Variants in KLHL2 observed in about 807,000 individuals in gnomAD.
KLHL2 encodes kelch like family member 2, also known as kelch-like protein 2.
A neutral mutation model predicts 75.8 loss-of-function variants in KLHL2; 15 were observed. That is an observed-to-expected ratio of 0.20 (90% CI 0.13 to 0.30). KLHL2 has a LOEUF of 0.30. Among genes scored for constraint, KLHL2 ranks in the 10% least tolerant of loss-of-function variants. The pLI is 1.00. For synonymous variants in KLHL2, 214 were observed against 251.9 expected, an observed-to-expected ratio of 0.85 and a Z score of 1.42; for missense variants, 381 against 741.0, an observed-to-expected ratio of 0.51 and a Z score of 5.64.
chr4:165,239,228 A>C (rs1739606991), intron 4 of KLHL2, among the ~76,000 whole-genome samples: 1 of 150,532 alleles, frequency 6.6e-6, no homozygotes, highest in African/African-American at 2.4e-5. Flanking sequence ...TAGTCTACAA[A>C]GTATGTTTTT....
At chr4:165,276,462 T>TA (rs1457894558) in intron 5 of KLHL2, among the ~76,000 whole-genome samples, 7 of 152,008 alleles carry the variant, frequency 4.6e-5, no homozygotes, top group African/African-American at 1.7e-4. Flanking sequence ...GGAACCTAGG[T>TA]AGAAGGGTAC....
Position 165,293,917 on chromosome 4 carries a change from A to T in KLHL2, c.545-442A>T, listed in dbSNP as rs753194835. Among the ~76,000 whole-genome samples the T allele has an allele frequency of 2.2e-4, 33 of 152,122 alleles. No homozygotes were observed. In the East Asian group the frequency reaches 5.8e-3, roughly 27 times the overall value. On this transcript the variant is annotated intron_variant, in intron 5 of 14. Transcript: ENST00000226725. ...AAAGCAGGGCTTTTTTCCTTACTCC[A>T]TAAGGAACAACCCTCTAATGTTTCA...
At chr4:165,278,246 T>C (rs1225438369) in intron 5 of KLHL2, 5 of 1,126,248 alleles carry the variant, frequency 4.4e-6, no homozygotes, top group Non-Finnish European at 6.8e-6. Context: ...GTCGACTCCT[T>C]CTGCAGCCCC....
At chr4:165,251,042 C>T (rs1200703612) in intron 4 of KLHL2, among the ~76,000 whole-genome samples, 1 of 151,448 alleles carries the variant, frequency 6.6e-6, no homozygotes, top group Non-Finnish European at 1.5e-5. Flanking sequence ...TTTTCCATTT[C>T]TGTTTTCTTT....
At chr4:165,281,397 G>A (rs927357565) in intron 5 of KLHL2, among the ~76,000 whole-genome samples, 3 of 150,974 alleles carry the variant, frequency 2.0e-5, no homozygotes, top group African/African-American at 7.3e-5. Flanking sequence ...CTCACTGTGA[G>A]CACTGCCTCC....
intron 3 of KLHL2, 105 bp downstream of exon 3, chr4:165,229,018 G>T (rs571292633): frequency 2.7e-4 from 172 of 634,358 alleles, no homozygotes; most frequent in South Asian, 2.7e-3. Flanking sequence ...ATGAAATGAA[G>T]AATTATAGTG....
At chr4:165,229,356 T>C (rs1236702829) in intron 3 of KLHL2, among the ~76,000 whole-genome samples, 1 of 152,242 alleles carries the variant, frequency 6.6e-6, no homozygotes, top group Non-Finnish European at 1.5e-5. Flanking sequence ...ATGTTCTACT[T>C]TGGCAACTGT....
intron 4 of KLHL2, among the ~76,000 whole-genome samples, chr4:165,251,661 G>C (rs1382390483): frequency 6.8e-6 from 1 of 147,562 alleles, no homozygotes; most frequent in African/African-American, 2.5e-5. Flanking sequence ...CCAGGCTGGA[G>C]TGCAGTGGCG....
chr4:165,305,776 T>G, intron 9 of KLHL2, 51 bp downstream of exon 9: 1 of 1,224,076 alleles, frequency 8.2e-7, no homozygotes, highest in South Asian at 1.3e-5. Flanking sequence ...CATTGGGAGC[T>G]TCTTTTTCAG....
intron 14 of KLHL2, chr4:165,321,509 A>G (rs542888312): frequency 3.8e-5 from 12 of 316,118 alleles, no homozygotes; most frequent in South Asian, 3.0e-4. Flanking sequence ...ATATGTGTTA[A>G]TTGACTGTAT....
chr4:165,271,613 T>G (rs1438744066), intron 5 of KLHL2, among the ~76,000 whole-genome samples: 1 of 148,206 alleles, frequency 6.7e-6, no homozygotes, highest in Non-Finnish European at 1.5e-5. Flanking sequence ...TAGTTTGACT[T>G]TCTCTTTTCC....
Position 165,220,037 on chromosome 4 carries a change from A to T in KLHL2, c.130A>T (p.Lys44Ter). 1 of 1,609,344 alleles carries T rather than the reference A, an allele frequency of 6.2e-7. No homozygotes were observed. ...TCCTTGGCATATGAAGAAAGCTTTC[A>T]AAGTCATGAACGAATTAAGAAGGTA... ...VNPWHMKKAF[K>*]VMNELRSQNL... Residue 44 changes from lysine to a stop codon, truncating the protein, a stop_gained, in exon 2 of 15, where the codon AAA becomes TAA. Transcript: ENST00000226725. LOFTEE classifies it high-confidence loss of function.
chr4:165,321,501 A>G (rs1579202851), intron 14 of KLHL2: 2 of 319,070 alleles, frequency 6.3e-6, no homozygotes, highest in Admixed American at 9.0e-5. Context: ...CATGTAAAAT[A>G]TGTGTTAATT....
chr4:165,282,784 T>G (rs1194623121), intron 5 of KLHL2, among the ~76,000 whole-genome samples: 2 of 146,786 alleles, frequency 1.4e-5, no homozygotes, highest in Non-Finnish European at 3.0e-5. Context: ...TGAAAAAGAT[T>G]TTAGAGCAAC....
rs1177839142 is a variant in KLHL2 at position 165,319,007 on chromosome 4, C to T, written c.1753+1038C>T. Among the ~76,000 whole-genome samples the T allele has an allele frequency of 6.6e-6, 1 of 152,108 alleles. No homozygotes were observed. Among genetic ancestry groups the T allele is most frequent in the Non-Finnish European group, 1.5e-5 (1 of 68,022 alleles). On this transcript the variant is annotated intron_variant, in intron 14 of 14. Coordinates refer to ENST00000226725, the MANE Select transcript of KLHL2 (RefSeq NM_007246.4). This position sits in a 1 kb window ranked among gnomAD's most constrained non-coding sequence, Gnocchi z 4.5. ...ACAAACTCTTATGGGAACAAACACC[C>T]ACAAACCATAGATGGTGTCATTCAC...
chr4:165,294,103 A>G (rs1744728151), intron 5 of KLHL2, among the ~76,000 whole-genome samples: 2 of 152,202 alleles, frequency 1.3e-5, no homozygotes, highest in Admixed American at 1.3e-4. Context: ...GAATGATTCA[A>G]CTAAGTGCGT....
At chr4:165,264,736 A>ATG (rs1364579765) in intron 5 of KLHL2, among the ~76,000 whole-genome samples, 1 of 82,572 alleles carries the variant, frequency 1.2e-5, no homozygotes, top group Admixed American at 1.5e-4. Flanking sequence ...ATATATATAT[A>ATG]TATGTATATA....
chr4:165,252,648 C>T (rs1740833227), intron 4 of KLHL2: 1 of 152,158 alleles, frequency 6.6e-6, no homozygotes, highest in African/African-American at 2.4e-5. Context: ...TAATTGAAAA[C>T]TTTATTTCTT....
In KLHL2 at chr4:165,276,510, C is replaced by CT. The variant is rs929015696; in HGVS notation, c.544+13163dup. Among the ~76,000 whole-genome samples, 312 of 146,610 alleles carry CT rather than the reference C, an allele frequency of 2.1e-3. 1 individual carries two copies. The highest frequency in any genetic ancestry group is 6.5e-3 in the African/African-American group (261 of 40,154). On this transcript the variant is annotated intron_variant, in intron 5 of 14. Coordinates refer to ENST00000226725, the MANE Select transcript of KLHL2 (RefSeq NM_007246.4). ...ATTGCTCTCACTGCCATCAGCCTAA[C>CT]TTTTTTTTTTTTCACTGTTTATTAC...
Sources: allele counts gnomAD v4.1 joint callset (sites outside exome capture counted in the v4.1 genomes callset), GRCh38; gene constraint gnomAD v4.1.1; non-coding constraint Gnocchi (gnomAD v3.1); transcripts MANE v1.5; gene names NCBI Gene and HGNC (gene_info 2026-07-23, HGNC 2026-07-21).